DARS2: variants seen among roughly 807,000 people sequenced by gnomAD.
DARS2 encodes aspartyl-tRNA synthetase 2, mitochondrial.
In DARS2, 63 loss-of-function variants were observed where a neutral mutation model predicts 83.0. That is an observed-to-expected ratio of 0.76 (90% CI 0.62 to 0.94). The LOEUF (loss-of-function observed/expected upper bound fraction) is 0.94. Among genes scored for constraint, DARS2 ranks in the 40% least tolerant of loss-of-function variants. The pLI is 0.00. For synonymous variants in DARS2, 250 were observed against 269.3 expected, an observed-to-expected ratio of 0.93 and a Z score of 0.70; for missense variants, 675 against 774.4, an observed-to-expected ratio of 0.87 and a Z score of 1.52.
intron 2 of DARS2, among the ~76,000 whole-genome samples, chr1:173,827,004 A>G (rs1170026933): frequency 6.6e-6 from 1 of 152,230 alleles, no homozygotes; most frequent in African/African-American, 2.4e-5. Context: ...CTCAGTAGGT[A>G]CATCTCAGTA....
intron 9 of DARS2, among the ~76,000 whole-genome samples, chr1:173,838,737 T>C (rs1353870082): frequency 1.3e-5 from 2 of 152,082 alleles, no homozygotes; most frequent in Non-Finnish European, 2.9e-5. Flanking sequence ...TATATTATTT[T>C]ATTTATTTTA....
At chr1:173,833,120 A>G (rs1319574869) in intron 5 of DARS2, among the ~76,000 whole-genome samples, 3 of 152,190 alleles carry the variant, frequency 2.0e-5, no homozygotes, top group African/African-American at 7.2e-5. Flanking sequence ...GCTTAAATTA[A>G]TGGATAAATG....
chr1:173,845,637 G>C (rs943183412), intron 12 of DARS2, among the ~76,000 whole-genome samples: 3 of 152,054 alleles, frequency 2.0e-5, no homozygotes, highest in Non-Finnish European at 2.9e-5. Context: ...GCTGAGGTGG[G>C]AGAATCACCT....
chr1:173,834,732 GTTTTTTTTTTTT>G, intron 7 of DARS2, among the ~76,000 whole-genome samples: 7 of 21,682 alleles, frequency 3.2e-4, no homozygotes, highest in East Asian at 3.6e-3. Context: ...GAGTTTTTTT[GTTTTTTTTTTTT>G]TTTTTTTTTT....
intron 2 of DARS2, among the ~76,000 whole-genome samples, chr1:173,827,657 G>A (rs904038535): frequency 7.6e-4 from 116 of 152,210 alleles, no homozygotes; most frequent in African/African-American, 2.6e-3. Context: ...TTTGTCCCAA[G>A]TAGGTGGATA....
chr1:173,834,779 T>G (rs1652938383), intron 7 of DARS2, among the ~76,000 whole-genome samples: 2 of 101,172 alleles, frequency 2.0e-5, no homozygotes, highest in Non-Finnish European at 3.7e-5. Context: ...GGTTTTTTTT[T>G]TTGTTTTTTT....
At chr1:173,841,139 C>T (rs1040247022) in intron 11 of DARS2, among the ~76,000 whole-genome samples, 166 bp downstream of exon 11, 5 of 151,972 alleles carry the variant, frequency 3.3e-5, no homozygotes. Flanking sequence ...CTTTGGGAGG[C>T]CGAGGCGTGT....
At chr1:173,841,634 C>A (rs566450031) in intron 11 of DARS2, among the ~76,000 whole-genome samples, 3 of 151,652 alleles carry the variant, frequency 2.0e-5, no homozygotes, top group East Asian at 2.0e-4. Flanking sequence ...GGAACATAGA[C>A]CTCATCTCTA....
In DARS2 at chr1:173,858,342, C is replaced by T. The variant is rs189330031; in HGVS notation, c.*637C>T. The T allele has an allele frequency of 6.5e-6, 1 of 153,956 alleles. No individual in the cohort carries two copies. The highest frequency in any genetic ancestry group is 1.9e-4 in the East Asian group (1 of 5,204). 9.5% of individuals were successfully genotyped at this position (153,956 alleles called of 1,614,324 possible). On this transcript the variant is annotated 3_prime_UTR_variant, in exon 17 of 17. Coordinates refer to ENST00000649689, the MANE Select transcript of DARS2 (RefSeq NM_018122.5). ...GTAAAATACATACTTGCCCTGGCTA[C>T]CTCACCGGGCTGTTATTGCTGGAAT...
intron 2 of DARS2, 95 bp from the exon 3 acceptor site, chr1:173,828,238 C>A: frequency 8.3e-7 from 1 of 1,201,074 alleles, no homozygotes; most frequent in Non-Finnish European, 1.2e-6. Flanking sequence ...TGAAAAATTG[C>A]ATGGATTTTT....
In DARS2 at chr1:173,853,866, T is replaced by C. The variant is rs766039456; in HGVS notation, c.1635T>C (p.Asn545=). Residue 545 remains asparagine (N), a synonymous_variant, in exon 15 of 17, where the codon AAT becomes AAC. Transcript: ENST00000649689. ...GAGGTGGTTCAATTCGAATTCACAA[T>C]GCAGAGCTGCAGCGTTATATCCTGG... ...EIGGGSIRIH[N]AELQRYILAT... 10 of 1,614,086 alleles carry C rather than the reference T, an allele frequency of 6.2e-6. No individual in the cohort carries two copies. In the East Asian group the frequency reaches 2.2e-4, roughly 36 times the overall value.
At chr1:173,838,860 G>A (rs1042053122) in intron 9 of DARS2, among the ~76,000 whole-genome samples, 14 of 151,908 alleles carry the variant, frequency 9.2e-5, no homozygotes, top group Non-Finnish European at 1.5e-5. Flanking sequence ...CTCAGCCTCC[G>A]AAGTAGTTGG....
intron 12 of DARS2, among the ~76,000 whole-genome samples, chr1:173,849,064 T>C (rs1653546175): frequency 6.6e-6 from 1 of 151,952 alleles, no homozygotes; most frequent in Non-Finnish European, 1.5e-5. Context: ...ATTCATAAAA[T>C]ATATTTTTGA....
At chr1:173,842,140 A>C (rs1403590699) in intron 11 of DARS2, among the ~76,000 whole-genome samples, 1 of 152,176 alleles carries the variant, frequency 6.6e-6, no homozygotes, top group Admixed American at 6.5e-5. Flanking sequence ...TAGGTAGTAC[A>C]TCTGCTTTAA....
intron 12 of DARS2, among the ~76,000 whole-genome samples, chr1:173,848,619 G>A (rs1409460148): frequency 1.3e-5 from 2 of 152,300 alleles, no homozygotes; most frequent in African/African-American, 4.8e-5. Context: ...CCCATCTGTT[G>A]TTACTGATGA....
At position 173,825,222 on chromosome 1, in the gene DARS2, G is replaced by T. The variant is rs747729254; in HGVS notation, c.-8G>T. The T allele has an allele frequency of 1.9e-6, 3 of 1,611,232 alleles. No individual in the cohort carries two copies. The highest frequency in any genetic ancestry group is 2.5e-6 in the Non-Finnish European group (3 of 1,178,206). Reference sequence around the variant, plus strand: ...CGTGATTGTTTTTCGCCATCGTGTGGCTCCAACATGTACTTCCCTTCTTGG... The same window carrying T: ...CGTGATTGTTTTTCGCCATCGTGTGTCTCCAACATGTACTTCCCTTCTTGG... On this transcript the variant is annotated 5_prime_UTR_variant, in exon 1 of 17. Transcript: ENST00000649689.
intron 3 of DARS2, among the ~76,000 whole-genome samples, chr1:173,830,198 T>A (rs1652744126): frequency 6.6e-6 from 1 of 152,232 alleles, no homozygotes; most frequent in South Asian, 2.1e-4. Context: ...AAGAAAAATA[T>A]TATTTATTCA....
intron 3 of DARS2, among the ~76,000 whole-genome samples, 196 bp from the exon 4 acceptor site, chr1:173,830,464 C>T (rs1317821113): frequency 6.6e-6 from 1 of 152,134 alleles, no homozygotes; most frequent in Non-Finnish European, 1.5e-5. Flanking sequence ...AATAGTTTTA[C>T]TTGCTGTATT....
chr1:173,836,313 G>A (rs543977357), intron 7 of DARS2, among the ~76,000 whole-genome samples: 2 of 151,852 alleles, frequency 1.3e-5, no homozygotes, highest in Admixed American at 6.6e-5. Context: ...AGGCCAAGGC[G>A]GGCAGATCAC....
Sources: allele counts gnomAD v4.1 joint callset (sites outside exome capture counted in the v4.1 genomes callset), GRCh38; gene constraint gnomAD v4.1.1; transcripts MANE v1.5; gene names NCBI Gene and HGNC (gene_info 2026-07-23, HGNC 2026-07-21).